AKAP6: variants seen among roughly 807,000 people sequenced by gnomAD.
The protein encoded by AKAP6 is A-kinase anchoring protein 6.
AKAP6 carries 58 observed loss-of-function variants against 188.5 expected under a neutral mutation model. The observed-to-expected ratio is 0.31, with a 90% CI of 0.25 to 0.38. AKAP6 has a LOEUF of 0.38. Among genes scored for constraint, AKAP6 ranks in the 10% least tolerant of loss-of-function variants. The probability of loss-of-function intolerance (pLI) is 1.00; values close to 1 mark genes in which losing one functional copy is unlikely to be tolerated. For missense variants in AKAP6, 2,710 were observed against 2,740.0 expected, an observed-to-expected ratio of 0.99 and a Z score of 0.24; for synonymous variants, 989 against 998.6, an observed-to-expected ratio of 0.99 and a Z score of 0.18.
At chr14:32,555,596 C>T (rs540189862) in intron 4 of AKAP6, among the ~76,000 whole-genome samples, 1 of 152,254 alleles carries the variant, frequency 6.6e-6, no homozygotes, top group South Asian at 2.1e-4. Context: ...TAACAACTCC[C>T]CTTTCCCTCT....
chr14:32,706,289 T>C (rs1025063749), intron 9 of AKAP6, among the ~76,000 whole-genome samples: 5 of 152,152 alleles, frequency 3.3e-5, no homozygotes, highest in Non-Finnish European at 5.9e-5. Context: ...AAAGAAAAGA[T>C]GATAGACTTG....
At chr14:32,537,586 A>G (rs1292848816) in intron 3 of AKAP6, among the ~76,000 whole-genome samples, 2 of 152,170 alleles carry the variant, frequency 1.3e-5, no homozygotes, top group Non-Finnish European at 2.9e-5. Context: ...TTGTTGTCCA[A>G]CACCCAGTGC....
Position 32,722,214 on chromosome 14 carries a change from A to G in AKAP6, c.3001-10240A>G, listed in dbSNP as rs979981429. On this transcript the variant is annotated intron_variant, in intron 9 of 13. Transcript: ENST00000280979. Reference sequence around the variant, plus strand: ...GGGGAAGTATTGAATCTTCTCCCTTACTGAAGTGCTTTTTTTTGGAACATT... The same window carrying G: ...GGGGAAGTATTGAATCTTCTCCCTTGCTGAAGTGCTTTTTTTTGGAACATT... Among the ~76,000 whole-genome samples, 5 of 152,086 alleles carry G rather than the reference A, an allele frequency of 3.3e-5. 1 individual carries two copies. Among genetic ancestry groups the G allele is most frequent in the Admixed American group, 2.6e-4 (4 of 15,258 alleles).
At chr14:32,748,205 T>C (rs78924444) in intron 11 of AKAP6, among the ~76,000 whole-genome samples, 2,310 of 152,314 alleles carry the variant, frequency 0.015, 50 homozygotes, top group African/African-American at 0.052. Context: ...CTCAAGTAAG[T>C]ATAGGATGGG....
chr14:32,553,345 AT>A (rs1177036566), intron 4 of AKAP6, among the ~76,000 whole-genome samples: 1 of 150,388 alleles, frequency 6.6e-6, no homozygotes. Context: ...TAATTTTTGT[AT>A]TTTTTTTAGT....
At chr14:32,774,024 A>G in intron 12 of AKAP6, 131 bp downstream of exon 12, 1 of 992,988 alleles carries the variant, frequency 1.0e-6, no homozygotes, top group East Asian at 2.6e-5. Flanking sequence ...TTGCCATCTT[A>G]CAAGTGGTTT....
chr14:32,510,394 G>GTATATATGTGTA, intron 2 of AKAP6, among the ~76,000 whole-genome samples: 1 of 63,290 alleles, frequency 1.6e-5, no homozygotes, highest in Non-Finnish European at 3.2e-5. Context: ...ATATATATGT[G>GTATATATGTGTA]TATATATATG....
chr14:32,481,144 A>G (rs1176070133), intron 2 of AKAP6, among the ~76,000 whole-genome samples: 2 of 152,182 alleles, frequency 1.3e-5, no homozygotes, highest in African/African-American at 4.8e-5. Context: ...CTGCATCCAT[A>G]TATAAAGATC....
intron 4 of AKAP6, among the ~76,000 whole-genome samples, chr14:32,569,433 G>A (rs959566573): frequency 1.1e-4 from 17 of 152,162 alleles, no homozygotes; most frequent in African/African-American, 2.4e-4. Context: ...TACTCGTACT[G>A]TGTTGGATTT....
At chr14:32,615,804 C>G (rs1428920613) in intron 7 of AKAP6, among the ~76,000 whole-genome samples, 1 of 152,002 alleles carries the variant, frequency 6.6e-6, no homozygotes, top group Non-Finnish European at 1.5e-5. Flanking sequence ...CCATATTAGC[C>G]AGGATGGTCT....
At chr14:32,815,717 T>G (rs1021797560) in intron 12 of AKAP6, among the ~76,000 whole-genome samples, 1 of 152,274 alleles carries the variant, frequency 6.6e-6, no homozygotes, top group South Asian at 2.1e-4. Context: ...CATACTATCG[T>G]CTCCTCACTT....
intron 7 of AKAP6, among the ~76,000 whole-genome samples, chr14:32,612,871 C>T (rs1016774376): frequency 6.6e-5 from 10 of 152,250 alleles, no homozygotes; most frequent in Middle Eastern, 6.8e-3. Flanking sequence ...CTCCAAAGCT[C>T]TCTAACAAGA....
intron 7 of AKAP6, among the ~76,000 whole-genome samples, chr14:32,628,314 A>G (rs932791197): frequency 1.3e-5 from 2 of 152,102 alleles, no homozygotes; most frequent in African/African-American, 2.4e-5. Flanking sequence ...ATTAACTTCA[A>G]TTCAACTTTT....
chr14:32,357,524 G>A (rs12885011), intron 1 of AKAP6, among the ~76,000 whole-genome samples: 23,688 of 152,128 alleles, frequency 0.16, 2,046 homozygotes, highest in East Asian at 0.37. Context: ...TAGAGAAATA[G>A]CCAAAAAAGT....
At chr14:32,363,309 G>T (rs1210454810) in intron 1 of AKAP6, among the ~76,000 whole-genome samples, 1 of 152,152 alleles carries the variant, frequency 6.6e-6, no homozygotes, top group Non-Finnish European at 1.5e-5. Context: ...ATGTGTATTA[G>T]TCAGGGTTCT....
At chr14:32,434,750 T>A (rs1391921249) in intron 2 of AKAP6, among the ~76,000 whole-genome samples, 1 of 152,106 alleles carries the variant, frequency 6.6e-6, no homozygotes, top group African/African-American at 2.4e-5. Flanking sequence ...TCAGCCTGAG[T>A]GGGAAAGATG....
chr14:32,785,652 C>T (rs117271940), intron 12 of AKAP6, among the ~76,000 whole-genome samples: 1 of 152,200 alleles, frequency 6.6e-6, no homozygotes, highest in East Asian at 1.9e-4. Context: ...ATATAAGGCT[C>T]TTTGAGTGTT....
chr14:32,465,129 A>G (rs1878332083), intron 2 of AKAP6, among the ~76,000 whole-genome samples: 2 of 152,244 alleles, frequency 1.3e-5, no homozygotes. Context: ...GCTCACGGAT[A>G]GGAAGAATCA....
chr14:32,648,374 A>G (rs1162347111), intron 7 of AKAP6, among the ~76,000 whole-genome samples: 4 of 152,090 alleles, frequency 2.6e-5, no homozygotes, highest in Non-Finnish European at 5.9e-5. Context: ...CTATGTTGTT[A>G]ATAATAGCGG....
Sources: allele counts gnomAD v4.1 joint callset (sites outside exome capture counted in the v4.1 genomes callset), GRCh38; gene constraint gnomAD v4.1.1; transcripts MANE v1.5; gene names NCBI Gene and HGNC (gene_info 2026-07-23, HGNC 2026-07-21).